AOPEP: variants seen among roughly 807,000 people sequenced by gnomAD.
AOPEP encodes the protein aminopeptidase O (putative).
Under a neutral mutation model 98.1 loss-of-function variants are expected in AOPEP, and 77 were observed. The ratio of observed to expected loss-of-function variants is 0.78; its 90% CI spans 0.65 to 0.95. The LOEUF (loss-of-function observed/expected upper bound fraction) is 0.95, where lower values mean the gene tolerates loss of function less well. Ranked by LOEUF, AOPEP falls within the 40% of genes least tolerant of loss-of-function variation. AOPEP has a pLI of 0.00. For missense variants in AOPEP, 1,024 were observed against 1,024.7 expected, an observed-to-expected ratio of 1.00 and a Z score of 0.01; for synonymous variants, 346 against 365.3, an observed-to-expected ratio of 0.95 and a Z score of 0.60.
At position 94,891,842 on chromosome 9, in the gene AOPEP, A is replaced by G. The variant is rs529615795; in HGVS notation, c.1365-32144A>G. Among the ~76,000 whole-genome samples, 18 of 152,164 alleles carry G rather than the reference A, an allele frequency of 1.2e-4. No homozygotes were observed. In the South Asian group the frequency reaches 2.1e-3, roughly 18 times the overall value. ...CTGAATGTCCCAACCTTCTTCTGTTATTATTTCCTTTTTGTTAAGAAGAGC... is the reference window on the plus strand; with the variant it reads ...CTGAATGTCCCAACCTTCTTCTGTTGTTATTTCCTTTTTGTTAAGAAGAGC... On this transcript the variant is annotated intron_variant, in intron 5 of 16. Transcript: ENST00000375315.
chr9:94,906,604 G>T (rs1387859561), intron 5 of AOPEP, among the ~76,000 whole-genome samples: 2 of 152,074 alleles, frequency 1.3e-5, no homozygotes, highest in Non-Finnish European at 2.9e-5. Context: ...GGAGTTCAAG[G>T]TTACAGTAAA....
chr9:94,756,917 T>G (rs1308094785), intron 1 of AOPEP, among the ~76,000 whole-genome samples: 1 of 152,194 alleles, frequency 6.6e-6, no homozygotes, highest in Non-Finnish European at 1.5e-5. Context: ...ATTTTGTGAT[T>G]CAGTTTCCAG....
At chr9:94,815,486 A>C (rs957310407) in intron 5 of AOPEP, among the ~76,000 whole-genome samples, 2 of 152,150 alleles carry the variant, frequency 1.3e-5, no homozygotes, top group Non-Finnish European at 2.9e-5. Flanking sequence ...TATGATGACC[A>C]GGCCTTTTAT....
At chr9:95,039,752 AT>A (rs2065132706) in intron 13 of AOPEP, among the ~76,000 whole-genome samples, 1 of 151,972 alleles carries the variant, frequency 6.6e-6, no homozygotes, top group South Asian at 2.1e-4. Context: ...TCATTCATTC[AT>A]TCATTCATTC....
the AOPEP span, chr9:95,099,211 G>C: frequency 4.6e-6 from 1 of 217,900 alleles, no homozygotes; most frequent in Non-Finnish European, 9.2e-6. Context: ...GGCTCTCTCT[G>C]AGGGTAGTGG....
intron 5 of AOPEP, among the ~76,000 whole-genome samples, chr9:94,859,230 C>A (rs939323325): frequency 6.6e-6 from 1 of 152,122 alleles, no homozygotes; most frequent in African/African-American, 2.4e-5. Context: ...AGAACCTGAC[C>A]GTGCTAGCAT....
intron 14 of AOPEP, among the ~76,000 whole-genome samples, chr9:95,064,188 T>C (rs935892805): frequency 2.0e-5 from 3 of 152,182 alleles, no homozygotes; most frequent in African/African-American, 7.2e-5. Flanking sequence ...TCCAGGTTGA[T>C]TGGAAATGGA....
rs538075050 is a variant in AOPEP, at chr9:94,907,936, T to C, written c.1365-16050T>C. 2.0e-5 allele frequency among the ~76,000 whole-genome samples: 3 copies of C among 152,308 alleles called. No individual in the cohort carries two copies. The East Asian group carries it at 5.8e-4, about 29-fold the overall frequency. On this transcript the variant is annotated intron_variant, in intron 5 of 16. Transcript: ENST00000375315. ...CCCTTCAAATTCCTTTCCAGCTCTA[T>C]TCTTTGAACTGCTGGTTTCTTCCTT...
intron 5 of AOPEP, among the ~76,000 whole-genome samples, chr9:94,880,905 C>T (rs2135841267): frequency 6.6e-6 from 1 of 152,254 alleles, no homozygotes; most frequent in Non-Finnish European, 1.5e-5. Context: ...CAAAAAGTAT[C>T]AACTCAGGAT....
At chr9:95,080,925 C>A in intron 15 of AOPEP, 145 bp downstream of exon 15, 1 of 663,038 alleles carries the variant, frequency 1.5e-6, no homozygotes, top group Non-Finnish European at 2.7e-6. Context: ...TCTTGCCTAA[C>A]ACTGATTTTT....
At chr9:94,855,607 A>C (rs1193869627) in intron 5 of AOPEP, among the ~76,000 whole-genome samples, 1 of 152,082 alleles carries the variant, frequency 6.6e-6, no homozygotes, top group Non-Finnish European at 1.5e-5. Flanking sequence ...GAATCGCTTG[A>C]ACCTGGGAGG....
intron 5 of AOPEP, among the ~76,000 whole-genome samples, chr9:94,816,226 G>C (rs112798491): frequency 6.6e-6 from 1 of 152,152 alleles, no homozygotes; most frequent in Non-Finnish European, 1.5e-5. Flanking sequence ...TCATTGTTAG[G>C]CACAGGCATG....
intron 9 of AOPEP, among the ~76,000 whole-genome samples, chr9:94,962,749 T>C (rs1054998624): frequency 1.3e-5 from 2 of 150,330 alleles, no homozygotes; most frequent in African/African-American, 4.9e-5. Context: ...TTTTTTTTTT[T>C]TGAGACGAAG....
the AOPEP span, among the ~76,000 whole-genome samples, chr9:95,103,049 T>G: frequency 6.6e-6 from 1 of 152,306 alleles, no homozygotes; most frequent in Middle Eastern, 3.4e-3. Context: ...CTGATGGCCT[T>G]CGGTAGATGC....
intron 5 of AOPEP, among the ~76,000 whole-genome samples, chr9:94,844,775 G>T (rs1298370591): frequency 6.6e-6 from 1 of 152,158 alleles, no homozygotes; most frequent in African/African-American, 2.4e-5. Context: ...TAGTCTCAGG[G>T]GGCAGATGGT....
chr9:94,939,755 T>G (rs1407210550), intron 7 of AOPEP, among the ~76,000 whole-genome samples: 1 of 152,220 alleles, frequency 6.6e-6, no homozygotes, highest in Non-Finnish European at 1.5e-5. Flanking sequence ...CTCAGTATCC[T>G]CGGGGCATTG....
chr9:94,784,573 A>C (rs1564129005), intron 3 of AOPEP, among the ~76,000 whole-genome samples: 1 of 151,904 alleles, frequency 6.6e-6, no homozygotes, highest in Non-Finnish European at 1.5e-5. Context: ...CTGTTTTAAC[A>C]CTCTTTAGTT....
At chr9:94,990,090 C>T (rs2060798172) in intron 11 of AOPEP, among the ~76,000 whole-genome samples, 1 of 152,170 alleles carries the variant, frequency 6.6e-6, no homozygotes, top group Non-Finnish European at 1.5e-5. Context: ...GAGTTTGAGA[C>T]CTGCGAAGAA....
chr9:95,138,073 T>A, the AOPEP span, among the ~76,000 whole-genome samples: 1 of 152,238 alleles, frequency 6.6e-6, no homozygotes, highest in South Asian at 2.1e-4. Context: ...GTGGCTGGAA[T>A]GATGCTGTTT....
Sources: allele counts gnomAD v4.1 joint callset (sites outside exome capture counted in the v4.1 genomes callset), GRCh38; gene constraint gnomAD v4.1.1; transcripts MANE v1.5; gene names NCBI Gene and HGNC (gene_info 2026-07-23, HGNC 2026-07-21).